UBTF: variants seen among roughly 807,000 people sequenced by gnomAD.
UBTF encodes upstream binding transcription factor, also known as nucleolar transcription factor 1.
UBTF carries 8 observed loss-of-function variants against 112.3 expected under a neutral mutation model. That is an observed-to-expected ratio of 0.07 (90% CI 0.04 to 0.13). The LOEUF (loss-of-function observed/expected upper bound fraction) is 0.13. UBTF is among the 10% of genes least tolerant of loss of function. The pLI is 1.00. For missense variants in UBTF, 457 were observed against 982.1 expected, an observed-to-expected ratio of 0.47 and a Z score of 7.15; for synonymous variants, 417 against 373.1, an observed-to-expected ratio of 1.12 and a Z score of -1.36.
At chr17:44,209,901 C>A (rs1451122687) in intron 15 of UBTF, among the ~76,000 whole-genome samples, 168 bp from the exon 16 acceptor site, 7 of 152,222 alleles carry the variant, frequency 4.6e-5, no homozygotes, top group African/African-American at 1.7e-4. Flanking sequence ...GAGGCAGGCA[C>A]CACAGTTTAC....
At chr17:44,218,613 A>G (rs1413545588) in intron 1 of UBTF, 2 of 196,294 alleles carry the variant, frequency 1.0e-5, no homozygotes, top group Admixed American at 6.1e-5. Flanking sequence ...AAAAAAAGAA[A>G]AAATCTCCTC....
chr17:44,216,263 A>G, intron 3 of UBTF: 1 of 604,262 alleles, frequency 1.7e-6, no homozygotes, highest in East Asian at 2.8e-5. Flanking sequence ...CACCTCCGTC[A>G]ATCTCAGCAT....
intron 5 of UBTF, chr17:44,215,312 G>A (rs932851522): frequency 1.7e-5 from 4 of 237,282 alleles, no homozygotes; most frequent in Middle Eastern, 1.4e-3. Flanking sequence ...AGACCATGAC[G>A]GGAAACGTCA....
rs1203956022 is a variant in UBTF at position 44,218,243 on chromosome 17, A to G, written c.-14T>C. On this transcript the variant is annotated 5_prime_UTR_variant, in exon 2 of 21. Transcript: ENST00000436088. ...TTCTCCGTTCATCCTCCAGCTGTCC[A>G]GCCACCTCCTCGGTCGTGCTGGCCG... The G allele has an allele frequency of 1.2e-6, 2 of 1,612,108 alleles. No individual in the cohort carries two copies. The highest frequency in any genetic ancestry group is 2.2e-5 in the South Asian group (2 of 91,028).
At chr17:44,215,057 G>A (rs997115825) in intron 5 of UBTF, among the ~76,000 whole-genome samples, 1 of 152,170 alleles carries the variant, frequency 6.6e-6, no homozygotes, top group African/African-American at 2.4e-5. Flanking sequence ...GCAAGGAACA[G>A]TATGAGGCCA....
intron 20 of UBTF, 29 bp from the exon 21 acceptor site, chr17:44,207,396 C>G (rs777786030): frequency 6.2e-7 from 1 of 1,612,034 alleles, no homozygotes; most frequent in African/African-American, 1.3e-5. Context: ...TGTGGAGTCA[C>G]CAGGTGGCCC....
In UBTF at chr17:44,212,448, T is replaced by C. The variant is rs747988203; in HGVS notation, c.667A>G (p.Thr223Ala). Residue 223 changes from threonine (T) to alanine (A), a missense_variant, in exon 8 of 21, where the codon ACG becomes GCG. This residue lies in a region of UBTF where 87 missense variants were observed against 286.6 expected (regional missense o/e 0.30). Transcript: ENST00000436088. ...VYLKVRPDAT[T>A]KEVKDSLGKQ... ...CCCAGGGAGTCCTTCACCTCCTTCG[T>C]AGTGGCCTGCAAACCAAAAGCCGTC... 1.9e-6 allele frequency: 3 copies of C among 1,586,722 alleles called. No individual in the cohort carries two copies. Among genetic ancestry groups the C allele is most frequent in the African/African-American group, 1.4e-5 (1 of 69,772 alleles).
At chr17:44,209,232 G>T in intron 17 of UBTF, 120 bp downstream of exon 17, 1 of 1,005,052 alleles carries the variant, frequency 9.9e-7, no homozygotes, top group Non-Finnish European at 1.4e-6. Flanking sequence ...GATTGCGAGG[G>T]CATGGAATGA....
chr17:44,220,915 C>A (rs2047157581), upstream of UBTF: 2 of 149,196 alleles, frequency 1.3e-5, no homozygotes. Flanking sequence ...CCGCCCGCCC[C>A]GCTCCGCCCG....
At chr17:44,221,116 A>G (rs1567817557), upstream of UBTF, 2 of 151,942 alleles carry the variant, frequency 1.3e-5, no homozygotes, top group Non-Finnish European at 2.9e-5. Context: ...TTTTTAAAGA[A>G]AAATGGTTTT....
chr17:44,210,197 G>C lies in UBTF; in HGVS notation c.1553C>G (p.Thr518Ser). The C allele has an allele frequency of 6.2e-7, 1 of 1,614,164 alleles. No individual in the cohort carries two copies. Among genetic ancestry groups the C allele is most frequent in the Non-Finnish European group, 8.5e-7 (1 of 1,180,030 alleles). ...CTCCTTCTTTTCCATGTTATTCCAG[G>C]TCATTTCCATGGCTTTCAAGGCCTT... ...RVKALKAMEMTWNNMEKKEKL... is the reference protein window; with the variant it reads ...RVKALKAMEMSWNNMEKKEKL... Residue 518 changes from threonine (T) to serine (S), a missense_variant, in exon 15 of 21, where the codon ACC (threonine) becomes AGC (serine). Coordinates refer to ENST00000436088, the MANE Select transcript of UBTF (RefSeq NM_014233.4).
upstream of UBTF, among the ~76,000 whole-genome samples, chr17:44,220,536 A>T (rs1416578450): frequency 2.7e-5 from 4 of 150,828 alleles, no homozygotes; most frequent in East Asian, 2.0e-4. Context: ...AAACCTCTGC[A>T]TTAAAAAAAA....
chr17:44,209,183 A>AT (rs2056489028), intron 17 of UBTF, 169 bp downstream of exon 17: 3 of 684,570 alleles, frequency 4.4e-6, no homozygotes, highest in Admixed American at 7.2e-5. Context: ...TAAAAAAAAA[A>AT]ATAAAAATAA....
In UBTF at chr17:44,207,101, T is replaced by C. The variant is rs1431085797; in HGVS notation, c.*141A>G. The C allele has an allele frequency of 8.4e-5, 14 of 166,426 alleles. No individual in the cohort carries two copies. The highest frequency in any genetic ancestry group is 7.3e-4 in the South Asian group (4 of 5,466). 10.3% of individuals were successfully genotyped at this position (166,426 alleles called of 1,614,324 possible). A position where few individuals can be genotyped will look rare whatever the true frequency, so the allele number is the denominator to read the frequency against. On this transcript the variant is annotated 3_prime_UTR_variant, in exon 21 of 21. Transcript: ENST00000436088. ...CCTCCAGCCCCCTACCCCCACCGTA[T>C]TTTTTTTTTTTTTTAAAGAAAGAAA...
chr17:44,209,799 A>G, intron 15 of UBTF, 66 bp from the exon 16 acceptor site: 2 of 1,530,718 alleles, frequency 1.3e-6, no homozygotes, highest in Non-Finnish European at 1.8e-6. Flanking sequence ...CTTCTGCCTC[A>G]TGCCATCAGC....
intron 14 of UBTF, 27 bp downstream of exon 14, chr17:44,210,291 A>T (rs1429991878): frequency 2.5e-6 from 4 of 1,614,238 alleles, no homozygotes; most frequent in Non-Finnish European, 3.4e-6. Flanking sequence ...TAGAGGCTGC[A>T]GTACTACCCT....
chr17:44,209,305 T>G (rs1312651671), intron 17 of UBTF, 47 bp downstream of exon 17: 4 of 1,543,382 alleles, frequency 2.6e-6, no homozygotes, highest in Non-Finnish European at 2.6e-6. Flanking sequence ...GGTGCTGGCT[T>G]AGTCTGATGC....
chr17:44,211,366 G>A lies in UBTF; in HGVS notation c.1048-35C>T, dbSNP rs1439604127. 6.2e-7 allele frequency: 1 copy of A among 1,613,006 alleles called. No individual in the cohort carries two copies. The highest frequency in any genetic ancestry group is 1.3e-5 in the African/African-American group (1 of 74,922). On this transcript the variant is annotated intron_variant, in intron 10 of 20. Coordinates refer to ENST00000436088, the MANE Select transcript of UBTF (RefSeq NM_014233.4). The surrounding 1 kb of genome is among the most constrained non-coding windows in gnomAD (Gnocchi z 4.9). ...TGAGTGGAGTCAGGATCAGTCTGGAGACAGTGTCACCACAGACCCTGCAGT... is the reference window on the plus strand; with the variant it reads ...TGAGTGGAGTCAGGATCAGTCTGGAAACAGTGTCACCACAGACCCTGCAGT...
chr17:44,209,202 T>C (rs1038712664), intron 17 of UBTF, 150 bp downstream of exon 17: 4 of 744,112 alleles, frequency 5.4e-6, no homozygotes, highest in Admixed American at 3.4e-5. Context: ...AAAAGGGTGA[T>C]AGTGACCGTT....
Sources: allele counts gnomAD v4.1 joint callset (sites outside exome capture counted in the v4.1 genomes callset), GRCh38; gene constraint gnomAD v4.1.1; regional missense constraint gnomAD v4.1.1; non-coding constraint Gnocchi (gnomAD v3.1); transcripts MANE v1.5; gene names NCBI Gene and HGNC (gene_info 2026-07-23, HGNC 2026-07-21).